CCDC148: variants seen among roughly 807,000 people sequenced by gnomAD.
CCDC148 encodes the protein coiled-coil domain-containing protein 148.
CCDC148 carries 89 observed loss-of-function variants against 85.7 expected under a neutral mutation model. The observed-to-expected ratio is 1.04, with a 90% confidence interval of 0.87 to 1.24. The LOEUF is 1.24. Ranked by LOEUF, CCDC148 falls within the 50% of genes most tolerant of loss-of-function variation. The probability of loss-of-function intolerance (pLI) is 0.00; values close to 1 mark genes in which losing one functional copy is unlikely to be tolerated. For missense variants in CCDC148, 692 were observed against 671.7 expected (o/e 1.03, Z -0.33); for synonymous variants, 230 against 213.9 (o/e 1.08, Z -0.66).
chr2:158,431,862 T>C (rs573192600), intron 1 of CCDC148, among the ~76,000 whole-genome samples: 5 of 151,976 alleles, frequency 3.3e-5, no homozygotes, highest in African/African-American at 1.2e-4. Context: ...AGCTTGAACC[T>C]GGGAGATGGA....
intron 1 of CCDC148, among the ~76,000 whole-genome samples, chr2:158,385,625 A>G (rs1349010149): frequency 6.6e-6 from 1 of 152,158 alleles, no homozygotes; most frequent in Non-Finnish European, 1.5e-5. Context: ...CTAGGAATTC[A>G]TCCTAATGAT....
chr2:158,422,635 T>C (rs1291209813), intron 1 of CCDC148, among the ~76,000 whole-genome samples: 1 of 152,158 alleles, frequency 6.6e-6, no homozygotes, highest in South Asian at 2.1e-4. Context: ...TCATACTGAA[T>C]AGGCAAAAAC....
chr2:158,192,826 T>C (rs1685485444), intron 11 of CCDC148, among the ~76,000 whole-genome samples: 1 of 151,706 alleles, frequency 6.6e-6, no homozygotes, highest in Admixed American at 6.6e-5. Context: ...TTATTTTCTC[T>C]GACCTAAGCT....
Position 158,392,091 on chromosome 2 carries a change from T to C in CCDC148, c.26-33521A>G, listed in dbSNP as rs534468638. Among the ~76,000 whole-genome samples, 4 of 152,280 alleles carry C rather than the reference T, an allele frequency of 2.6e-5. No homozygotes were observed. The East Asian group carries it at 5.8e-4, about 22-fold the overall frequency. ...CATACTCAGACATAAATCCACTTCC[T>C]GCATCTGAGTCATCAGGTTCTTTCA... On this transcript the variant is annotated intron_variant, in intron 1 of 13. Transcript: ENST00000283233.
intron 1 of CCDC148, chr2:158,365,874 C>T (rs1684178797): frequency 1.6e-6 from 1 of 608,414 alleles, no homozygotes; most frequent in Admixed American, 3.2e-5. Flanking sequence ...TTGTAAAGAA[C>T]TGGCCGGTCA....
chr2:158,331,953 T>G (rs1305407090), intron 7 of CCDC148, among the ~76,000 whole-genome samples: 1 of 149,324 alleles, frequency 6.7e-6, no homozygotes, highest in African/African-American at 2.6e-5. Context: ...GTCTTGACTC[T>G]TTATCCAATT....
intron 1 of CCDC148, among the ~76,000 whole-genome samples, chr2:158,450,976 G>A (rs1160577035): frequency 6.6e-6 from 1 of 151,966 alleles, no homozygotes; most frequent in African/African-American, 2.4e-5. Context: ...CAGCAGCTTT[G>A]TTCATTTTTC....
chr2:158,364,015 C>T (rs1684085639), intron 1 of CCDC148, among the ~76,000 whole-genome samples: 1 of 151,918 alleles, frequency 6.6e-6, no homozygotes, highest in Non-Finnish European at 1.5e-5. Context: ...TCCTATACAC[C>T]AATAATAGAC....
chr2:158,323,935 T>TC (rs1340586794), intron 7 of CCDC148, among the ~76,000 whole-genome samples: 2 of 144,092 alleles, frequency 1.4e-5, no homozygotes, highest in African/African-American at 5.1e-5. Context: ...TTTTTTTTTT[T>TC]TTTTTTTTTT....
At chr2:158,203,311 G>C (rs996553114) in intron 11 of CCDC148, among the ~76,000 whole-genome samples, 2 of 152,272 alleles carry the variant, frequency 1.3e-5, no homozygotes, top group Non-Finnish European at 2.9e-5. Flanking sequence ...ATGTATATTA[G>C]ATACTGATAC....
chr2:158,429,948 G>C (rs533832879), intron 1 of CCDC148, among the ~76,000 whole-genome samples: 1 of 152,188 alleles, frequency 6.6e-6, no homozygotes, highest in Non-Finnish European at 1.5e-5. Context: ...AGCAGTCAGG[G>C]AAGTGAAGGC....
At chr2:158,363,334 T>A (rs1268142009) in intron 1 of CCDC148, among the ~76,000 whole-genome samples, 1 of 152,156 alleles carries the variant, frequency 6.6e-6, no homozygotes, top group Non-Finnish European at 1.5e-5. Context: ...ATCATCCTGA[T>A]ACCAAAACCT....
At chr2:158,279,800 G>A (rs1334682783) in intron 9 of CCDC148, among the ~76,000 whole-genome samples, 1 of 151,822 alleles carries the variant, frequency 6.6e-6, no homozygotes, top group East Asian at 1.9e-4. Flanking sequence ...TCCTCGAGAA[G>A]ACCAACTCCA....
intron 7 of CCDC148, among the ~76,000 whole-genome samples, chr2:158,331,739 T>A (rs1262070498): frequency 6.6e-6 from 1 of 152,348 alleles, no homozygotes; most frequent in Admixed American, 6.5e-5. Flanking sequence ...CTTGTTGAAT[T>A]GATCCCTTTA....
chr2:158,383,845 G>A (rs10185629), intron 1 of CCDC148, among the ~76,000 whole-genome samples: 8,770 of 152,120 alleles, frequency 0.058, 483 homozygotes, highest in African/African-American at 0.15. Context: ...TCTCATTCAC[G>A]TTTTGCCAAC....
chr2:158,340,551 C>G (rs1268727244), intron 4 of CCDC148, 47 bp downstream of exon 4: 1 of 1,450,214 alleles, frequency 6.9e-7, no homozygotes, highest in Non-Finnish European at 9.4e-7. Flanking sequence ...CATTCTCATT[C>G]TTCAAAATAA....
chr2:158,262,074 C>T (rs561704829), intron 9 of CCDC148, among the ~76,000 whole-genome samples: 315 of 152,092 alleles, frequency 2.1e-3, no homozygotes, highest in African/African-American at 2.9e-3. Context: ...ATGTTCATTG[C>T]AGCACTATTC....
chr2:158,262,025 A>G (rs1574500143), intron 9 of CCDC148, among the ~76,000 whole-genome samples: 1 of 152,172 alleles, frequency 6.6e-6, no homozygotes, highest in East Asian at 1.9e-4. Context: ...TATATAGAGG[A>G]ATATAAATCA....
chr2:158,348,881 C>T (rs911146184), intron 2 of CCDC148, among the ~76,000 whole-genome samples: 1 of 151,954 alleles, frequency 6.6e-6, no homozygotes, highest in Non-Finnish European at 1.5e-5. Context: ...CAAAGAAATT[C>T]AAATTTAAAA....
Sources: allele counts gnomAD v4.1 joint callset (sites outside exome capture counted in the v4.1 genomes callset), GRCh38; gene constraint gnomAD v4.1.1; transcripts MANE v1.5; gene names NCBI Gene and HGNC (gene_info 2026-07-23, HGNC 2026-07-21).